CNST: variants seen among roughly 807,000 people sequenced by gnomAD.
CNST encodes the protein consortin, connexin sorting protein.
Under a neutral mutation model 72.4 loss-of-function variants are expected in CNST, and 39 were observed. The ratio of observed to expected loss-of-function variants is 0.54; its 90% confidence interval spans 0.42 to 0.70. The LOEUF is 0.70. Among genes scored for constraint, CNST ranks in the 30% least tolerant of loss-of-function variants. CNST has a pLI of 0.00. For synonymous variants in CNST, 332 were observed against 320.1 expected, an observed-to-expected ratio of 1.04 and a Z score of -0.40; for missense variants, 871 against 868.5, an observed-to-expected ratio of 1.00 and a Z score of -0.04.
At chr1:246,601,013 A>G (rs1662251411) in intron 2 of CNST, among the ~76,000 whole-genome samples, 3 of 152,274 alleles carry the variant, frequency 2.0e-5, no homozygotes, top group African/African-American at 7.2e-5. Context: ...TCTCCCACCA[A>G]ACAATGAGAC....
At chr1:246,617,044 G>A (rs1663755993) in intron 2 of CNST, among the ~76,000 whole-genome samples, 1 of 152,062 alleles carries the variant, frequency 6.6e-6, no homozygotes, top group Admixed American at 6.6e-5. Context: ...CAGCACATCA[G>A]TCTAAGTACT....
intron 1 of CNST, among the ~76,000 whole-genome samples, chr1:246,588,819 G>A (rs1661358743): frequency 6.6e-6 from 1 of 152,118 alleles, no homozygotes; most frequent in African/African-American, 2.4e-5. Flanking sequence ...CATTGGAAAT[G>A]CTTGAACTAT....
chr1:246,654,675 A>G (rs759849227), intron 9 of CNST, among the ~76,000 whole-genome samples: 2 of 152,252 alleles, frequency 1.3e-5, no homozygotes, highest in African/African-American at 2.4e-5. Flanking sequence ...AACAGCCACT[A>G]TACACAGTAA....
chr1:246,633,818 G>C, intron 4 of CNST, 106 bp from the exon 5 acceptor site: 2 of 676,186 alleles, frequency 3.0e-6, no homozygotes, highest in South Asian at 1.9e-5. Flanking sequence ...GTCCTCTCAT[G>C]TTTTAGTAAG....
At chr1:246,641,442 T>C (rs1665683807) in intron 6 of CNST, among the ~76,000 whole-genome samples, 1 of 152,250 alleles carries the variant, frequency 6.6e-6, no homozygotes, top group Non-Finnish European at 1.5e-5. Context: ...AAAATATGTG[T>C]GTGTGAAATC....
At chr1:246,584,036 CT>C (rs11290519) in intron 1 of CNST, among the ~76,000 whole-genome samples, 139,500 of 151,938 alleles carry the variant, frequency 0.92, 64,031 homozygotes, top group African/African-American at 0.94. Flanking sequence ...AACTGCTGGG[CT>C]TTAAGCAGTC....
chr1:246,627,711 G>A (rs1380372584), intron 3 of CNST, among the ~76,000 whole-genome samples: 1 of 151,996 alleles, frequency 6.6e-6, no homozygotes, highest in Non-Finnish European at 1.5e-5. Context: ...TGTAAAATTT[G>A]GATGAAAATA....
At chr1:246,592,824 A>ATTT (rs1661633172) in intron 2 of CNST, among the ~76,000 whole-genome samples, 1 of 152,232 alleles carries the variant, frequency 6.6e-6, no homozygotes, top group Admixed American at 6.5e-5. Flanking sequence ...AATTCAGAGT[A>ATTT]TTTCTTGTTT....
intron 3 of CNST, among the ~76,000 whole-genome samples, chr1:246,630,990 C>A (rs761102890): frequency 1.3e-5 from 2 of 152,064 alleles, no homozygotes; most frequent in Non-Finnish European, 2.9e-5. Flanking sequence ...AGATGATCCA[C>A]CCACCTCAGC....
intron 6 of CNST, among the ~76,000 whole-genome samples, chr1:246,640,924 G>C (rs1030052538): frequency 6.6e-6 from 1 of 152,120 alleles, no homozygotes. Flanking sequence ...CTCTGAGCAA[G>C]GTACAAGATA....
At chr1:246,665,046 GAAC>G (rs1667331161) in intron 10 of CNST, among the ~76,000 whole-genome samples, 1 of 152,036 alleles carries the variant, frequency 6.6e-6, no homozygotes, top group Non-Finnish European at 1.5e-5. Context: ...AAGGATCTTA[GAAC>G]AGCCAGGCTG....
At chr1:246,647,077 T>G in intron 8 of CNST, 62 bp from the exon 9 acceptor site, 1 of 1,449,688 alleles carries the variant, frequency 6.9e-7, no homozygotes, top group South Asian at 1.3e-5. Flanking sequence ...ATGTCCCTTC[T>G]TTTCCTTCCT....
At chr1:246,629,524 T>G (rs1306524514) in intron 3 of CNST, among the ~76,000 whole-genome samples, 1 of 152,210 alleles carries the variant, frequency 6.6e-6, no homozygotes, top group Non-Finnish European at 1.5e-5. Context: ...ATAATAGTTA[T>G]GGACCCCATC....
At chr1:246,632,780 G>A (rs1183106255) in intron 4 of CNST, among the ~76,000 whole-genome samples, 1 of 152,168 alleles carries the variant, frequency 6.6e-6, no homozygotes, top group South Asian at 2.1e-4. Flanking sequence ...AAATCACTGT[G>A]GCAAGTTAAT....
intron 1 of CNST, among the ~76,000 whole-genome samples, chr1:246,569,265 T>C (rs2102996882): frequency 6.6e-6 from 1 of 152,334 alleles, no homozygotes; most frequent in Non-Finnish European, 1.5e-5. Context: ...TAACATGAAA[T>C]CAATTTTTAA....
chr1:246,597,620 C>T (rs761900561), intron 2 of CNST, among the ~76,000 whole-genome samples: 4 of 152,240 alleles, frequency 2.6e-5, no homozygotes, highest in Non-Finnish European at 5.9e-5. Flanking sequence ...CTGCCACTAT[C>T]AGTGCCCTGA....
intron 1 of CNST, among the ~76,000 whole-genome samples, chr1:246,590,351 A>G (rs1661467795): frequency 6.6e-6 from 1 of 151,980 alleles, no homozygotes; most frequent in Admixed American, 6.6e-5. Flanking sequence ...GGTTAATATT[A>G]TTATTATTTT....
At chr1:246,567,173 A>T (rs973095332) in intron 1 of CNST, among the ~76,000 whole-genome samples, 1 of 152,204 alleles carries the variant, frequency 6.6e-6, no homozygotes, top group Non-Finnish European at 1.5e-5. Context: ...TAAAGTTAAG[A>T]TTAAAAATGA....
intron 1 of CNST, among the ~76,000 whole-genome samples, chr1:246,589,094 CATT>C (rs1326530659): frequency 1.3e-5 from 2 of 151,902 alleles, no homozygotes; most frequent in Non-Finnish European, 2.9e-5. Context: ...AACCCTGAAT[CATT>C]ATTATTATTG....
Sources: gnomAD v4.1 joint callset for allele counts (sites outside exome capture counted in the v4.1 genomes callset) on GRCh38, gnomAD v4.1.1 for gene constraint, MANE v1.5 for transcripts, NCBI Gene and HGNC (gene_info 2026-07-23, HGNC 2026-07-21) for gene names.